CLTCL1: variants seen among roughly 807,000 people sequenced by gnomAD.
The protein encoded by CLTCL1 is clathrin heavy chain like 1.
Under a neutral mutation model 190.0 loss-of-function variants are expected in CLTCL1, and 159 were observed. The ratio of observed to expected loss-of-function variants is 0.84; its 90% confidence interval spans 0.74 to 0.95. The LOEUF (loss-of-function observed/expected upper bound fraction) is 0.95. Ranked by LOEUF, CLTCL1 falls within the 40% of genes least tolerant of loss-of-function variation. The pLI, the probability that CLTCL1 is intolerant of heterozygous loss-of-function variation, is 0.00. For synonymous variants in CLTCL1, 752 were observed against 769.6 expected (o/e 0.98, Z 0.38); for missense variants, 1,878 against 2,033.4 (o/e 0.92, Z 1.47).
intron 3 of CLTCL1, among the ~76,000 whole-genome samples, chr22:19,246,262 G>A (rs538232301): frequency 1.1e-4 from 16 of 151,676 alleles, no homozygotes; most frequent in African/African-American, 2.4e-4. Flanking sequence ...GGGTTTCACC[G>A]TGTTAGCCAG....
At chr22:19,200,161 T>TA (rs1260828646) in intron 23 of CLTCL1, among the ~76,000 whole-genome samples, 1 of 152,172 alleles carries the variant, frequency 6.6e-6, no homozygotes, top group Non-Finnish European at 1.5e-5. Context: ...AAAGGAAGGC[T>TA]AAAAAATAAT....
intron 2 of CLTCL1, among the ~76,000 whole-genome samples, chr22:19,261,053 A>G (rs1320504312): frequency 6.6e-6 from 1 of 152,076 alleles, no homozygotes; most frequent in Admixed American, 6.6e-5. Context: ...TAACACATCA[A>G]TTCTGCAATC....
chr22:19,254,637 C>T (rs2086694399), intron 2 of CLTCL1, among the ~76,000 whole-genome samples: 2 of 152,172 alleles, frequency 1.3e-5, no homozygotes, highest in Admixed American at 1.3e-4. Flanking sequence ...TATCCCTTCA[C>T]ATTAAACCAA....
intron 22 of CLTCL1, among the ~76,000 whole-genome samples, chr22:19,206,346 G>A (rs1436361476): frequency 6.6e-6 from 1 of 152,158 alleles, no homozygotes; most frequent in Non-Finnish European, 1.5e-5. Context: ...GGGCTCAGGT[G>A]ATCTTCCCAC....
Position 19,253,863 on chromosome 22 carries a change from G to A in CLTCL1, c.519+96C>T, listed in dbSNP as rs1219257209. On this transcript the variant is annotated intron_variant, in intron 3 of 32. Coordinates refer to ENST00000427926, the MANE Select transcript of CLTCL1 (RefSeq NM_007098.4). ...TTACAGGCATGAGCCACCGCACCTG[G>A]CCCTATAACCAACTTCTAATGATTT... The A allele has an allele frequency of 1.7e-5, 24 of 1,423,978 alleles. No homozygotes were observed. The East Asian group carries it at 5.5e-4, about 32-fold the overall frequency. The allele number at this position is 1,423,978 out of a possible 1,614,324, so 88.2% of individuals were successfully genotyped here.
chr22:19,239,948 CT>C (rs34417269), intron 4 of CLTCL1, among the ~76,000 whole-genome samples: 9,618 of 137,176 alleles, frequency 0.07, 346 homozygotes, highest in Middle Eastern at 0.18. Context: ...TCTTTTTCTT[CT>C]TTTTTTTTTT....
At chr22:19,261,555 A>G (rs1286125394) in intron 2 of CLTCL1, among the ~76,000 whole-genome samples, 1 of 152,256 alleles carries the variant, frequency 6.6e-6, no homozygotes, top group South Asian at 2.1e-4. Flanking sequence ...GGAGATCAAA[A>G]TATCAATATT....
chr22:19,242,005 C>T (rs1415867257), intron 4 of CLTCL1, among the ~76,000 whole-genome samples: 2 of 150,222 alleles, frequency 1.3e-5, no homozygotes, highest in Admixed American at 6.7e-5. Context: ...TGCAGTGGCG[C>T]GATCTCGGCT....
intron 3 of CLTCL1, among the ~76,000 whole-genome samples, chr22:19,249,288 G>A (rs2086515612): frequency 6.6e-6 from 1 of 152,116 alleles, no homozygotes; most frequent in African/African-American, 2.4e-5. Context: ...GAACCCGGGA[G>A]GTGGAGGTTG....
Position 19,191,334 on chromosome 22 carries a change from G to T in CLTCL1, c.4293C>A (p.Asp1431Glu), listed in dbSNP as rs1349557491. Residue 1431 changes from aspartate to glutamate, a missense_variant, in exon 27 of 33, where the codon GAC becomes GAA. Asp to Glu is a conservative substitution (Grantham distance 45, BLOSUM62 2). Coordinates refer to ENST00000427926, the MANE Select transcript of CLTCL1 (RefSeq NM_007098.4). ...DLLLVLSPRL[D>E]HTWTVSFFSK... ...AAAAGAAACTGACTGTCCAGGTGTG[G>T]TCCAGCCGGGGTGAAAGCACCAGCA... The T allele has an allele frequency of 1.2e-6, 2 of 1,613,890 alleles. No individual in the cohort carries two copies. Among genetic ancestry groups the T allele is most frequent in the African/African-American group, 2.7e-5 (2 of 74,936 alleles).
intron 4 of CLTCL1, among the ~76,000 whole-genome samples, chr22:19,240,810 G>C (rs1408905553): frequency 6.6e-6 from 1 of 152,178 alleles, no homozygotes; most frequent in Non-Finnish European, 1.5e-5. Context: ...GTTCTTGCTC[G>C]GGAGCTGAGA....
chr22:19,181,100 G>C (rs930768551), intron 30 of CLTCL1: 2 of 470,108 alleles, frequency 4.3e-6, no homozygotes, highest in Non-Finnish European at 3.9e-6. Flanking sequence ...CATGTGGCCT[G>C]CTTATGGGGG....
intron 19 of CLTCL1, among the ~76,000 whole-genome samples, chr22:19,214,216 C>A (rs1555948440): frequency 6.6e-6 from 1 of 152,180 alleles, no homozygotes; most frequent in Non-Finnish European, 1.5e-5. Flanking sequence ...ACATTCCCAG[C>A]AGGGGCACGT....
At chr22:19,285,675 G>T (rs540155195) in intron 1 of CLTCL1, among the ~76,000 whole-genome samples, 3 of 152,294 alleles carry the variant, frequency 2.0e-5, no homozygotes, top group East Asian at 3.9e-4. Context: ...CCAGCAGCAG[G>T]CCTCAAGAGA....
rs1555961056 is a variant in CLTCL1, at chr22:19,234,675, A to G, written c.1001T>C (p.Ile334Thr). 1 of 1,614,024 alleles carries G rather than the reference A, an allele frequency of 6.2e-7. No individual in the cohort carries two copies. Among genetic ancestry groups the G allele is most frequent in the Non-Finnish European group, 8.5e-7 (1 of 1,179,888 alleles). Residue 334 changes from isoleucine (I) to threonine (T), a missense_variant, in exon 7 of 33, where the codon ATT (isoleucine) becomes ACT (threonine). Transcript: ENST00000427926. ...AAGCACGTTGGTTGCATAATTCACA[A>G]TGTTATCTTCCTCAACACAAACTGA... ...VLSVCVEEDN[I>T]VNYATNVLQN...
chr22:19,236,897 A>G lies in CLTCL1; in HGVS notation c.796-1028T>C, dbSNP rs200838743. On this transcript the variant is annotated intron_variant, in intron 5 of 32. Transcript: ENST00000427926. ...TATCTGGAGATGGAGGTAAGAGTAA[A>G]GAACTGAATTTCTATCTTACTCTTT... 1.3e-5 allele frequency among the ~76,000 whole-genome samples: 2 copies of G among 152,326 alleles called. 1 individual carries two copies. The highest frequency in any genetic ancestry group is 4.1e-4 in the South Asian group (2 of 4,828).
intron 4 of CLTCL1, among the ~76,000 whole-genome samples, chr22:19,239,658 C>G (rs530461312): frequency 6.6e-6 from 1 of 152,242 alleles, no homozygotes. Flanking sequence ...TTCCCCTCCC[C>G]GGGCCTGGAT....
intron 1 of CLTCL1, 65 bp from the exon 2 acceptor site, chr22:19,275,895 G>T: frequency 7.4e-7 from 1 of 1,351,800 alleles, no homozygotes; most frequent in Non-Finnish European, 1.0e-6. Flanking sequence ...GTAGCCAAAG[G>T]CAAAAGAGGA....
chr22:19,225,378 G>C, intron 13 of CLTCL1, 75 bp downstream of exon 13: 7 of 1,433,646 alleles, frequency 4.9e-6, no homozygotes, highest in Non-Finnish European at 6.5e-6. Flanking sequence ...GTCTTAAGGC[G>C]GGCAGGTAGG....
Sources: gnomAD v4.1 joint callset for allele counts (sites outside exome capture counted in the v4.1 genomes callset) on GRCh38, gnomAD v4.1.1 for gene constraint, MANE v1.5 for transcripts, NCBI Gene and HGNC (gene_info 2026-07-23, HGNC 2026-07-21) for gene names.